CAMTA1: variants seen among roughly 807,000 people sequenced by gnomAD.
The protein encoded by CAMTA1 is calmodulin binding transcription activator 1.
In CAMTA1, 27 loss-of-function variants were observed where a neutral mutation model predicts 170.9. The ratio of observed to expected loss-of-function variants is 0.16; its 90% CI spans 0.12 to 0.22. CAMTA1 has a LOEUF of 0.22. CAMTA1 is among the 10% of genes least tolerant of loss of function. The probability of loss-of-function intolerance (pLI) is 1.00; values close to 1 mark genes in which losing one functional copy is unlikely to be tolerated. For missense variants in CAMTA1, 1,619 were observed against 2,217.2 expected, an observed-to-expected ratio of 0.73 and a Z score of 5.42; for synonymous variants, 833 against 891.5, an observed-to-expected ratio of 0.93 and a Z score of 1.17.
chr1:7,643,116 C>CCT (rs1357049765), intron 7 of CAMTA1, among the ~76,000 whole-genome samples: 2 of 150,358 alleles, frequency 1.3e-5, no homozygotes, highest in African/African-American at 5.0e-5. Context: ...TCCTCCCACC[C>CCT]CTCAGTGTTT....
rs756444070 is a variant in CAMTA1 at position 7,732,352 on chromosome 1, G to A, written c.2915-96G>A. 43 of 1,043,144 alleles carry A rather than the reference G, an allele frequency of 4.1e-5. 2 individuals carry two copies. In the South Asian group the frequency reaches 5.2e-4, roughly 13 times the overall value. 64.6% of individuals were successfully genotyped at this position (1,043,144 alleles called of 1,614,324 possible). ...TCTCTGGTTTGGTGAAGTTACGGAC[G>A]GCATTTGGATGCTGGTCCCGCAAGG... On this transcript the variant is annotated intron_variant, in intron 11 of 22. Transcript: ENST00000303635. This position sits in a 1 kb window ranked among gnomAD's most constrained non-coding sequence, Gnocchi z 4.1.
In CAMTA1 at chr1:7,092,819, A is replaced by T. The variant is rs1641645480; in HGVS notation, c.302+1448A>T. Among the ~76,000 whole-genome samples the T allele has an allele frequency of 6.6e-6, 1 of 152,188 alleles. No individual in the cohort carries two copies. Among genetic ancestry groups the T allele is most frequent in the South Asian group, 2.1e-4 (1 of 4,834 alleles). On this transcript the variant is annotated intron_variant, in intron 4 of 22. Transcript: ENST00000303635. The surrounding 1 kb of genome is among the most constrained non-coding windows in gnomAD (Gnocchi z 5.0). Reference sequence around the variant, plus strand: ...TTTGCTGTGGGACCTAGGCTGAGGAAGCCCCCTCTGCCTGGGAAGTTGGCG... The same window carrying T: ...TTTGCTGTGGGACCTAGGCTGAGGATGCCCCCTCTGCCTGGGAAGTTGGCG...
At chr1:6,912,813 C>G (rs578077013) in intron 3 of CAMTA1, among the ~76,000 whole-genome samples, 1 of 152,320 alleles carries the variant, frequency 6.6e-6, no homozygotes, top group East Asian at 1.9e-4. Context: ...GCCTCCATGC[C>G]CGTCACTGAA....
At chr1:6,868,193 C>T (rs968665169) in intron 3 of CAMTA1, among the ~76,000 whole-genome samples, 1 of 151,850 alleles carries the variant, frequency 6.6e-6, no homozygotes, top group East Asian at 1.9e-4. Flanking sequence ...GAGTTAACAG[C>T]GATCTTGTAA....
chr1:7,075,061 A>T (rs901189611), intron 3 of CAMTA1, among the ~76,000 whole-genome samples: 1 of 152,218 alleles, frequency 6.6e-6, no homozygotes, highest in African/African-American at 2.4e-5. Flanking sequence ...ATAACAACCT[A>T]TTCCCAGCTC....
intron 4 of CAMTA1, among the ~76,000 whole-genome samples, chr1:7,151,226 T>C (rs1014746584): frequency 2.0e-5 from 3 of 152,242 alleles, no homozygotes; most frequent in Admixed American, 1.3e-4. Context: ...TACACTGTGC[T>C]TTGATGTGGC....
intron 5 of CAMTA1, among the ~76,000 whole-genome samples, chr1:7,434,135 CTCTCTT>C (rs1374203648): frequency 5.3e-5 from 8 of 152,140 alleles, no homozygotes; most frequent in Non-Finnish European, 1.2e-4. Flanking sequence ...TCCCAGCTCT[CTCTCTT>C]TTACTTTCCA....
chr1:7,424,901 A>G (rs548088662), intron 5 of CAMTA1, among the ~76,000 whole-genome samples: 6 of 152,230 alleles, frequency 3.9e-5, no homozygotes, highest in African/African-American at 1.4e-4. Flanking sequence ...TCATCCTCCC[A>G]GAACGCTGTC....
chr1:7,393,724 T>C (rs2088981629), intron 5 of CAMTA1, among the ~76,000 whole-genome samples: 2 of 152,200 alleles, frequency 1.3e-5, no homozygotes, highest in Admixed American at 6.5e-5. Context: ...TAAAATCCTC[T>C]CTTTTAGCTA....
At chr1:7,503,328 GGGTGTGCTTCAGAA>G (rs1318203729) in intron 6 of CAMTA1, among the ~76,000 whole-genome samples, 1 of 152,202 alleles carries the variant, frequency 6.6e-6, no homozygotes, top group Non-Finnish European at 1.5e-5. Context: ...TTAAGCCAGA[GGGTGTGCTTCAGAA>G]GGTGTGCTTA....
chr1:6,900,769 A>G (rs1232350127), intron 3 of CAMTA1, among the ~76,000 whole-genome samples: 1 of 152,234 alleles, frequency 6.6e-6, no homozygotes, highest in African/African-American at 2.4e-5. Context: ...AATATCTGTG[A>G]GAGAAATTAA....
chr1:7,465,494 AG>A (rs34749362), intron 5 of CAMTA1, among the ~76,000 whole-genome samples: 80,325 of 151,958 alleles, frequency 0.53, 22,331 homozygotes, highest in African/African-American at 0.65. Context: ...CAAGGAGACC[AG>A]GGGCATGGGA....
chr1:6,981,463 C>T (rs563178153), intron 3 of CAMTA1, among the ~76,000 whole-genome samples: 1 of 152,256 alleles, frequency 6.6e-6, no homozygotes, highest in African/African-American at 2.4e-5. Context: ...GGCAGGGTCT[C>T]ACTCTGAAAC....
chr1:7,345,815 C>T (rs1405797504), intron 5 of CAMTA1, among the ~76,000 whole-genome samples: 2 of 152,192 alleles, frequency 1.3e-5, no homozygotes, highest in African/African-American at 4.8e-5. Flanking sequence ...AAGCTGCTGC[C>T]ACTGACCTAC....
chr1:7,026,568 A>G (rs886800610), intron 3 of CAMTA1, among the ~76,000 whole-genome samples: 19 of 151,902 alleles, frequency 1.3e-4, no homozygotes, highest in Admixed American at 4.6e-4. Context: ...ACAGGAAGAT[A>G]AGGACCGTGA....
chr1:7,584,742 C>A (rs7527087), intron 6 of CAMTA1, among the ~76,000 whole-genome samples: 34,029 of 152,056 alleles, frequency 0.22, 3,996 homozygotes, highest in East Asian at 0.41. Context: ...GTGTACTTAG[C>A]TAGACCAGAG....
chr1:7,684,913 G>T (rs906568757), intron 11 of CAMTA1, among the ~76,000 whole-genome samples: 10 of 152,174 alleles, frequency 6.6e-5, no homozygotes, highest in Non-Finnish European at 1.2e-4. Flanking sequence ...AGCCTCCTGA[G>T]GGTTTGTTGT....
chr1:7,194,759 T>G (rs866179853), intron 4 of CAMTA1, among the ~76,000 whole-genome samples: 1 of 152,196 alleles, frequency 6.6e-6, no homozygotes, highest in Non-Finnish European at 1.5e-5. Context: ...CAGTCCCCAG[T>G]ATGACCCTCC....
chr1:7,256,537 G>A (rs542635047), intron 5 of CAMTA1, among the ~76,000 whole-genome samples: 1 of 152,266 alleles, frequency 6.6e-6, no homozygotes, highest in African/African-American at 2.4e-5. Context: ...TCCAGCCTGG[G>A]CGACAGCGAG....
Sources: gnomAD v4.1 joint callset for allele counts (sites outside exome capture counted in the v4.1 genomes callset) on GRCh38, gnomAD v4.1.1 for gene constraint, Gnocchi (gnomAD v3.1) non-coding constraint, MANE v1.5 for transcripts, NCBI Gene and HGNC (gene_info 2026-07-23, HGNC 2026-07-21) for gene names.